Variants in ANKS1B observed in about 807,000 individuals in gnomAD.
ANKS1B encodes ankyrin repeat and sterile alpha motif domain containing 1B.
In ANKS1B, 36 loss-of-function variants were observed where a neutral mutation model predicts 148.3. The ratio of observed to expected loss-of-function variants is 0.24; its 90% CI spans 0.19 to 0.32. ANKS1B has a LOEUF of 0.32. ANKS1B is among the 10% of genes least tolerant of loss of function. The probability of loss-of-function intolerance (pLI) is 1.00; values close to 1 mark genes in which losing one functional copy is unlikely to be tolerated. For missense variants in ANKS1B, 1,157 were observed against 1,542.6 expected, an observed-to-expected ratio of 0.75 and a Z score of 4.19; for synonymous variants, 542 against 560.8, an observed-to-expected ratio of 0.97 and a Z score of 0.47.
chr12:98,805,509 C>A (rs2099044351), intron 20 of ANKS1B, among the ~76,000 whole-genome samples: 1 of 152,108 alleles, frequency 6.6e-6, no homozygotes, highest in Admixed American at 6.6e-5. Flanking sequence ...CTGGGTGAGT[C>A]TGAAGGACTA....
chr12:99,088,927 C>A (rs1439171435), intron 15 of ANKS1B, among the ~76,000 whole-genome samples: 1 of 140,530 alleles, frequency 7.1e-6, no homozygotes, highest in African/African-American at 2.7e-5. Flanking sequence ...CTCACTGCAA[C>A]CTCTGTCTCC....
At chr12:98,779,448 C>T (rs888107897) in intron 24 of ANKS1B, among the ~76,000 whole-genome samples, 1 of 152,182 alleles carries the variant, frequency 6.6e-6, no homozygotes, top group Non-Finnish European at 1.5e-5. Context: ...AGGAACTTCT[C>T]AGGGCAAATA....
chr12:99,031,345 G>C (rs184712023), intron 17 of ANKS1B, among the ~76,000 whole-genome samples: 1 of 152,284 alleles, frequency 6.6e-6, no homozygotes, highest in East Asian at 1.9e-4. Context: ...CTTTCCTGAG[G>C]ACTCACTGTT....
At chr12:99,066,804 C>A (rs2044508032) in intron 16 of ANKS1B, among the ~76,000 whole-genome samples, 2 of 152,152 alleles carry the variant, frequency 1.3e-5, no homozygotes, top group Admixed American at 6.5e-5. Flanking sequence ...AAAATAAAAT[C>A]ATCCTTGTTC....
chr12:99,616,913 G>C (rs2097971157), intron 9 of ANKS1B, among the ~76,000 whole-genome samples: 1 of 151,714 alleles, frequency 6.6e-6, no homozygotes, highest in South Asian at 2.1e-4. Flanking sequence ...CTAATATCCA[G>C]AATCTACAAG....
rs541186263 is a variant in ANKS1B at position 99,484,883 on chromosome 12, C to A, written c.1438+19593G>T. 2.0e-5 allele frequency among the ~76,000 whole-genome samples: 3 copies of A among 150,696 alleles called. No homozygotes were observed. In the Admixed American group the frequency reaches 2.0e-4, roughly 10 times the overall value. Reference sequence around the variant, plus strand: ...TGGAATATCTTTTTCCACCCTTTTGCCCTCAGTTTATATGAATCCTTCCAC... The same window carrying A: ...TGGAATATCTTTTTCCACCCTTTTGACCTCAGTTTATATGAATCCTTCCAC... On this transcript the variant is annotated intron_variant, in intron 10 of 26. Transcript: ENST00000683438.
At chr12:99,085,929 G>C (rs543582324) in intron 15 of ANKS1B, among the ~76,000 whole-genome samples, 177 of 152,248 alleles carry the variant, frequency 1.2e-3, no homozygotes, top group African/African-American at 4.0e-3. Flanking sequence ...TAACACCTGG[G>C]TGATGAAATA....
chr12:99,273,970 A>G (rs556406502), intron 12 of ANKS1B, among the ~76,000 whole-genome samples: 34 of 152,234 alleles, frequency 2.2e-4, no homozygotes, highest in African/African-American at 7.9e-4. Flanking sequence ...AATGTGTCCC[A>G]GGGAAGCCAA....
chr12:99,717,439 C>T (rs1027250673), intron 8 of ANKS1B, among the ~76,000 whole-genome samples: 1 of 152,326 alleles, frequency 6.6e-6, no homozygotes, highest in African/African-American at 2.4e-5. Flanking sequence ...CCTCCAGGCC[C>T]GCCTCCCCCA....
At chr12:99,112,391 C>G (rs1281440961) in intron 15 of ANKS1B, among the ~76,000 whole-genome samples, 1 of 151,404 alleles carries the variant, frequency 6.6e-6, no homozygotes, top group African/African-American at 2.4e-5. Context: ...TTTATATCTC[C>G]CATTACACCT....
intron 10 of ANKS1B, among the ~76,000 whole-genome samples, chr12:99,492,627 T>G (rs1050192438): frequency 3.9e-5 from 6 of 152,108 alleles, no homozygotes; most frequent in African/African-American, 1.4e-4. Context: ...TATACTTGAT[T>G]AACATTGATG....
chr12:99,335,092 C>T (rs984741938), intron 12 of ANKS1B, among the ~76,000 whole-genome samples: 8 of 152,082 alleles, frequency 5.3e-5, no homozygotes, highest in Non-Finnish European at 7.4e-5. Flanking sequence ...ATTTATTTAA[C>T]AAACATATTT....
intron 11 of ANKS1B, among the ~76,000 whole-genome samples, chr12:99,405,804 C>T (rs1409656821): frequency 7.0e-6 from 1 of 143,004 alleles, no homozygotes; most frequent in Non-Finnish European, 1.5e-5. Flanking sequence ...ATACACTTCA[C>T]CTATAAAGAT....
At chr12:99,920,089 T>C (rs1457439548) in intron 1 of ANKS1B, among the ~76,000 whole-genome samples, 15 of 152,160 alleles carry the variant, frequency 9.9e-5, no homozygotes, top group Non-Finnish European at 2.9e-5. Flanking sequence ...TCCCTCCCAG[T>C]CTTCCATTCT....
chr12:99,835,128 A>T (rs1404840255), intron 1 of ANKS1B, among the ~76,000 whole-genome samples: 2 of 151,632 alleles, frequency 1.3e-5, no homozygotes, highest in Non-Finnish European at 2.9e-5. Flanking sequence ...ATACAAGGTG[A>T]GGACTGGGCA....
rs117918168 is a variant in ANKS1B at position 99,454,292 on chromosome 12, G to C, written c.1439-10483C>G. Among the ~76,000 whole-genome samples the C allele has an allele frequency of 5.7e-3, 872 of 152,276 alleles. 9 individuals carry two copies. Among genetic ancestry groups the C allele is most frequent in the Admixed American group, 1.0e-2 (153 of 15,306 alleles). The stretch of plus-strand genomic sequence containing the variant: ...GCATTTCTAAAATTACTTTCCTTGA[G>C]GCTATGATCAAATGCTACTTTCATC... On this transcript the variant is annotated intron_variant, in intron 10 of 26. Coordinates refer to ENST00000683438, the MANE Select transcript of ANKS1B (RefSeq NM_001352186.2).
At position 98,900,454 on chromosome 12, in the gene ANKS1B, C is replaced by T. The variant is rs758551846; in HGVS notation, c.2779-68318G>A. ...AACCTACTTAAATAGAATCTGCCTC[C>T]GTCCTTCAGAATTATAATGCCAAAC... On this transcript the variant is annotated intron_variant, in intron 17 of 26. Coordinates refer to ENST00000683438, the MANE Select transcript of ANKS1B (RefSeq NM_001352186.2). 5.3e-5 allele frequency among the ~76,000 whole-genome samples: 8 copies of T among 152,100 alleles called. 1 individual carries two copies. Among genetic ancestry groups the T allele is most frequent in the Admixed American group, 2.6e-4 (4 of 15,272 alleles).
At chr12:98,902,900 C>A (rs1007414953) in intron 17 of ANKS1B, among the ~76,000 whole-genome samples, 2 of 152,196 alleles carry the variant, frequency 1.3e-5, no homozygotes, top group African/African-American at 2.4e-5. Flanking sequence ...TCCCACAGCA[C>A]CTTCTAGTGT....
chr12:99,059,070 C>T lies in ANKS1B; in HGVS notation c.2626-5761G>A, dbSNP rs538288197. 7.2e-5 allele frequency among the ~76,000 whole-genome samples: 11 copies of T among 152,254 alleles called. No individual in the cohort carries two copies. In the South Asian group the frequency reaches 1.7e-3, roughly 23 times the overall value. ...CTATCCTTAAAAGGTCCTGTTTAAA[C>T]GTTACCTCCTGTGTGAATCTTTCTC... On this transcript the variant is annotated intron_variant, in intron 16 of 26. Coordinates refer to ENST00000683438, the MANE Select transcript of ANKS1B (RefSeq NM_001352186.2).
Sources: allele counts gnomAD v4.1 joint callset (sites outside exome capture counted in the v4.1 genomes callset), GRCh38; gene constraint gnomAD v4.1.1; transcripts MANE v1.5; gene names NCBI Gene and HGNC (gene_info 2026-07-23, HGNC 2026-07-21).